Variants in DENND3 observed in about 807,000 individuals in gnomAD.
DENND3 encodes DENN domain containing 3.
DENND3 carries 88 observed loss-of-function variants against 135.1 expected under a neutral mutation model. The observed-to-expected ratio is 0.65, with a 90% CI of 0.55 to 0.78. The LOEUF is 0.78. Among genes scored for constraint, DENND3 ranks in the 30% least tolerant of loss-of-function variants. The pLI, the probability that DENND3 is intolerant of heterozygous loss-of-function variation, is 0.00. For missense variants in DENND3, 1,392 were observed against 1,688.4 expected (o/e 0.82, Z 3.08); for synonymous variants, 693 against 712.3 (o/e 0.97, Z 0.43).
rs1377510816 is a variant in DENND3 at position 141,145,835 on chromosome 8, A to T, written c.735+1576A>T. ...TATATATATATATATATATATATATATATATATATATATATGTATTTTTTT... is the reference window on the plus strand; with the variant it reads ...TATATATATATATATATATATATATTTATATATATATATATGTATTTTTTT... On this transcript the variant is annotated intron_variant, in intron 5 of 22. Coordinates refer to ENST00000519811, the MANE Select transcript of DENND3 (RefSeq NM_001352890.3). 2.7e-3 allele frequency among the ~76,000 whole-genome samples: 81 copies of T among 29,928 alleles called. 2 individuals are homozygous for T. Among genetic ancestry groups the T allele is most frequent in the African/African-American group, 0.024 (74 of 3,028 alleles). The allele number at this position is 29,928 out of a possible 152,430, so 19.6% of individuals were successfully genotyped here.
intron 8 of DENND3, chr8:141,157,721 C>A: frequency 1.0e-6 from 1 of 985,640 alleles, no homozygotes. Flanking sequence ...ATTCCTTCTA[C>A]CTGGAAGGTT....
chr8:141,139,481 C>A lies in DENND3; in HGVS notation c.501+1344C>A, dbSNP rs1437281007. ...CTCTCGGGCGGTGCATGCAGGGGAC[C>A]AGCGTCCGCCTCTGTGACCTGGCTG... On this transcript the variant is annotated intron_variant, in intron 3 of 22. Transcript: ENST00000519811. This position sits in a 1 kb window ranked among gnomAD's most constrained non-coding sequence, Gnocchi z 4.2. Among the ~76,000 whole-genome samples the A allele has an allele frequency of 1.3e-5, 2 of 152,160 alleles. No homozygotes were observed. The highest frequency in any genetic ancestry group is 1.3e-4 in the Admixed American group (2 of 15,284).
rs1391108887 is a variant in DENND3, at chr8:141,143,933, A to G, written c.624-215A>G. ...AGCATGACCAGGACTTCCCCTTCCA[A>G]AATATACCTCCCTTTGTGCCACCTG... On this transcript the variant is annotated intron_variant, in intron 4 of 22. Transcript: ENST00000519811. 6 of 483,826 alleles carry G rather than the reference A, an allele frequency of 1.2e-5. No homozygotes were observed. In the Admixed American group the frequency reaches 2.0e-4, roughly 16 times the overall value. 30.0% of individuals were successfully genotyped at this position (483,826 alleles called of 1,614,324 possible).
chr8:141,158,044 G>T (rs1388186871), intron 8 of DENND3: 22 of 1,188,030 alleles, frequency 1.9e-5, no homozygotes, highest in Non-Finnish European at 2.2e-5. Flanking sequence ...ACAGGCGTGA[G>T]CCACCGCGCC....
intron 9 of DENND3, among the ~76,000 whole-genome samples, chr8:141,161,740 G>C (rs1820149547): frequency 6.6e-6 from 1 of 151,844 alleles, no homozygotes; most frequent in Non-Finnish European, 1.5e-5. Context: ...GGTTAGCACA[G>C]AGCCTGCTGG....
intron 22 of DENND3, 57 bp downstream of exon 22, chr8:141,192,720 C>G: frequency 6.2e-7 from 1 of 1,609,036 alleles, no homozygotes; most frequent in African/African-American, 1.3e-5. Context: ...TTGCCCTGGC[C>G]GCATCCCCAT....
rs745877953 is a variant in DENND3, at chr8:141,151,847, C to T, written c.1074+10C>T. 19 of 1,613,394 alleles carry T rather than the reference C, an allele frequency of 1.2e-5. No homozygotes were observed. The highest frequency in any genetic ancestry group is 1.7e-4 in the Middle Eastern group (1 of 5,776). ...CGAAGAAGTCAGCAAGGTTAGGTAG[C>T]GAACCTTTGACTTGGAATGCTAAAT... On this transcript the variant is annotated intron_variant, in intron 7 of 22. Transcript: ENST00000519811.
chr8:141,193,892 G>A, intron 22 of DENND3, 141 bp from the exon 23 acceptor site: 1 of 941,794 alleles, frequency 1.1e-6, no homozygotes. Flanking sequence ...AGGCGGCCCT[G>A]ACCCTCAGGC....
chr8:141,176,883 A>C, intron 15 of DENND3, 122 bp downstream of exon 15: 1 of 1,124,816 alleles, frequency 8.9e-7, no homozygotes, highest in Non-Finnish European at 1.3e-6. Flanking sequence ...TGTCTTAAGC[A>C]GAGTAAGTTT....
At chr8:141,158,355 C>T (rs1387167673) in intron 8 of DENND3, 2 of 1,205,802 alleles carry the variant, frequency 1.7e-6, no homozygotes, top group Non-Finnish European at 2.1e-6. Context: ...CTTTGTGAGA[C>T]TGTGTTGAAG....
chr8:141,134,924 G>T (rs1300523359), intron 1 of DENND3, among the ~76,000 whole-genome samples: 1 of 151,606 alleles, frequency 6.6e-6, no homozygotes, highest in Admixed American at 6.6e-5. Context: ...TCCGCCTCCT[G>T]GGTTCATGCC....
intron 19 of DENND3, among the ~76,000 whole-genome samples, chr8:141,189,753 G>A (rs868335169): frequency 1.3e-5 from 2 of 152,216 alleles, no homozygotes; most frequent in Non-Finnish European, 2.9e-5. Context: ...GGGGTGGGTA[G>A]GGAGGTGCTA....
chr8:141,193,056 C>A, intron 22 of DENND3: 1 of 434,602 alleles, frequency 2.3e-6, no homozygotes, highest in Non-Finnish European at 3.9e-6. Flanking sequence ...CTTGGCGTGC[C>A]CTGGCTGTGG....
At chr8:141,142,185 G>C in intron 4 of DENND3, 1 of 338,950 alleles carries the variant, frequency 3.0e-6, no homozygotes, top group South Asian at 2.2e-5. Flanking sequence ...TGTGATGTTG[G>C]GGGCTGTAGC....
In DENND3 at chr8:141,144,220, G is replaced by A. The variant is rs1259692725; in HGVS notation, c.696G>A (p.Leu232=). The change falls in exon 5 of 23, where the codon CTG becomes CTA. Residue 232 remains leucine, a synonymous_variant. Coordinates refer to ENST00000519811, the MANE Select transcript of DENND3 (RefSeq NM_001352890.3). The surrounding 1 kb of genome is among the most constrained non-coding windows in gnomAD (Gnocchi z 4.4). ...ATATAAAAGATTTCGCTGCGAAGCT[G>A]TCTTTAATACCCAGCCCGCCACCTG... ...DSHIKDFAAK[L]SLIPSPPPGP... 3 of 1,613,856 alleles carry A rather than the reference G, an allele frequency of 1.9e-6. No homozygotes were observed. In the African/African-American group the frequency reaches 4.0e-5, roughly 22 times the overall value.
chr8:141,161,987 T>C (rs1303942999), intron 9 of DENND3, among the ~76,000 whole-genome samples: 1 of 152,060 alleles, frequency 6.6e-6, no homozygotes, highest in Non-Finnish European at 1.5e-5. Flanking sequence ...CTATTTTTAG[T>C]AGAGACAGGG....
At chr8:141,179,877 CCCTGGACGGCAGGGACTGAGGGAGT>C (rs1408160799) in intron 16 of DENND3, among the ~76,000 whole-genome samples, 2 of 152,222 alleles carry the variant, frequency 1.3e-5, no homozygotes, top group Non-Finnish European at 2.9e-5. Flanking sequence ...AAGGGGCAGG[CCCTGGACGGCAGGGACTGAGGGAGT>C]CCTGGACGCA....
Position 141,138,160 on chromosome 8 carries a change from C to T in DENND3, c.501+23C>T. ...CATGTAGGTGGTTCCCGTTACTCCC[C>T]TCTGAAATTGGGTTTAGATTTTTTA... On this transcript the variant is annotated intron_variant, in intron 3 of 22. Transcript: ENST00000519811. This position sits in a 1 kb window ranked among gnomAD's most constrained non-coding sequence, Gnocchi z 4.8. 6.3e-7 allele frequency: 1 copy of T among 1,575,834 alleles called. No homozygotes were observed. The highest frequency in any genetic ancestry group is 8.6e-7 in the Non-Finnish European group (1 of 1,158,310).
At chr8:141,151,176 G>T (rs1363512778) in intron 6 of DENND3, among the ~76,000 whole-genome samples, 1 of 152,210 alleles carries the variant, frequency 6.6e-6, no homozygotes, top group Non-Finnish European at 1.5e-5. Flanking sequence ...TTGGCAGATG[G>T]AGCTGAGGGA....
Sources: gnomAD v4.1 joint callset for allele counts (sites outside exome capture counted in the v4.1 genomes callset) on GRCh38, gnomAD v4.1.1 for gene constraint, Gnocchi (gnomAD v3.1) non-coding constraint, MANE v1.5 for transcripts, NCBI Gene and HGNC (gene_info 2026-07-23, HGNC 2026-07-21) for gene names.